Variants in OLAH observed in about 807,000 individuals in gnomAD.
OLAH encodes the protein oleoyl-ACP hydrolase.
OLAH carries 33 observed loss-of-function variants against 27.8 expected under a neutral mutation model. That is an observed-to-expected ratio of 1.19 (90% confidence interval 0.90 to 1.59). The LOEUF (loss-of-function observed/expected upper bound fraction) is 1.59, where lower values mean the gene tolerates loss of function less well. Ranked by LOEUF, OLAH falls within the 40% of genes most tolerant of loss-of-function variation. OLAH has a pLI of 0.00. For missense variants in OLAH, 359 were observed against 310.8 expected (o/e 1.16, Z -1.17); for synonymous variants, 120 against 102.9 (o/e 1.17, Z -1.01).
intron 4 of OLAH, among the ~76,000 whole-genome samples, chr10:15,062,706 CT>C (rs1482706346): frequency 6.6e-6 from 1 of 150,536 alleles, no homozygotes; most frequent in East Asian, 1.9e-4. Context: ...CTATTTCTAT[CT>C]TTTTCTGTTA....
At chr10:15,042,947 G>A (rs574674864), upstream of OLAH, among the ~76,000 whole-genome samples, 59 of 131,834 alleles carry the variant, frequency 4.5e-4, no homozygotes, top group South Asian at 3.7e-3. Flanking sequence ...TGCAAGCTCC[G>A]CCTCCCGGGT....
intron 2 of OLAH, 125 bp from the exon 3 acceptor site, chr10:15,049,510 A>G (rs1007469507): frequency 1.1e-5 from 7 of 619,796 alleles, no homozygotes; most frequent in Non-Finnish European, 1.7e-5. Context: ...AAAATTTGCA[A>G]TCACTTTATA....
intron 4 of OLAH, among the ~76,000 whole-genome samples, chr10:15,063,135 A>G (rs1226363866): frequency 6.6e-6 from 1 of 152,108 alleles, no homozygotes. Flanking sequence ...ACATTGTTAA[A>G]GTTCTTTTCA....
At chr10:15,061,918 A>C in intron 4 of OLAH, 56 bp downstream of exon 4, 1 of 1,540,870 alleles carries the variant, frequency 6.5e-7, no homozygotes, top group Non-Finnish European at 8.9e-7. Context: ...CTGAAGTTTG[A>C]GGTTAATGTT....
chr10:15,043,477 CTTTT>C (rs35687747), upstream of OLAH, among the ~76,000 whole-genome samples: 2 of 133,504 alleles, frequency 1.5e-5, no homozygotes, highest in Admixed American at 7.6e-5. Context: ...TTCTCTTCTT[CTTTT>C]TTTTTTTTTT....
At chr10:15,039,091 T>C (rs1449959688), upstream of OLAH, among the ~76,000 whole-genome samples, 1 of 151,236 alleles carries the variant, frequency 6.6e-6, no homozygotes, top group East Asian at 2.0e-4. Flanking sequence ...GCAGGTGTGG[T>C]GGTGTGCACC....
intron 7 of OLAH, among the ~76,000 whole-genome samples, chr10:15,072,764 G>C (rs906754688): frequency 6.6e-6 from 1 of 151,800 alleles, no homozygotes; most frequent in African/African-American, 2.4e-5. Flanking sequence ...TGGCCAGAGG[G>C]GGGTTATCTT....
At chr10:15,055,090 A>T (rs994819258) in intron 3 of OLAH, among the ~76,000 whole-genome samples, 1 of 152,018 alleles carries the variant, frequency 6.6e-6, no homozygotes, top group South Asian at 2.1e-4. Context: ...TCAGCCTCCC[A>T]AGTAGGTGGG....
At chr10:15,044,261 T>C (rs1442153472) in intron 1 of OLAH, among the ~76,000 whole-genome samples, 3 of 152,130 alleles carry the variant, frequency 2.0e-5, no homozygotes, top group Non-Finnish European at 2.9e-5. Context: ...AACATTTTTC[T>C]CTTCCAGTTT....
Position 15,034,800 on chromosome 10 carries a change from C to CT in OLAH, c.-164+2453dup, listed in dbSNP as rs1348025194. ...ACAGTTTTCATTTTTTCTTTTCTTT[C>CT]TTTCTTTTTTTTTTTTTTTGAGACG... On this transcript the variant is annotated intron_variant, in intron 1 of 3. Coordinates refer to the OLAH transcript ENST00000413672. Among the ~76,000 whole-genome samples, 53 of 96,958 alleles carry CT rather than the reference C, an allele frequency of 5.5e-4. 1 individual carries two copies. Among genetic ancestry groups the CT allele is most frequent in the African/African-American group, 1.1e-3 (30 of 27,192 alleles). The allele number at this position is 96,958 out of a possible 152,430, so 63.6% of individuals were successfully genotyped here. A position where few individuals can be genotyped will look rare whatever the true frequency, so the allele number is the denominator to read the frequency against.
At chr10:15,061,603 C>A in intron 3 of OLAH, 121 bp from the exon 4 acceptor site, 2 of 897,210 alleles carry the variant, frequency 2.2e-6, no homozygotes, top group Non-Finnish European at 1.6e-6. Flanking sequence ...CCTTGCTGGA[C>A]TTAACTGTTA....
At position 15,047,041 on chromosome 10, in the gene OLAH, C is replaced by A. The variant is rs542936767; in HGVS notation, c.-163-85C>A. ...TTGTGTTGGTTCTAACCCATTTCTT[C>A]TTCTCCTTTGTCATCACCACTGTCA... On this transcript the variant is annotated intron_variant, in intron 1 of 7. Transcript: ENST00000378228. 2.8e-5 allele frequency: 12 copies of A among 430,978 alleles called. No individual in the cohort carries two copies. In the East Asian group the frequency reaches 4.3e-4, roughly 16 times the overall value. The allele number at this position is 430,978 out of a possible 1,614,324, so 26.7% of individuals were successfully genotyped here.
intron 1 of OLAH, among the ~76,000 whole-genome samples, chr10:15,044,766 C>A (rs911445706): frequency 3.9e-5 from 6 of 152,122 alleles, no homozygotes; most frequent in South Asian, 2.1e-4. Context: ...TCATTCTATT[C>A]TCTTCCATGT....
At chr10:15,042,892 G>A (rs1226100558), upstream of OLAH, among the ~76,000 whole-genome samples, 8 of 114,054 alleles carry the variant, frequency 7.0e-5, no homozygotes, top group African/African-American at 2.8e-4. Flanking sequence ...GAGGAGTCTC[G>A]CTCTGTCGCC....
Position 15,073,277 on chromosome 10 carries a change from T to G in OLAH, c.*48T>G. On this transcript the variant is annotated 3_prime_UTR_variant, in exon 8 of 8. Transcript: ENST00000378228. ...AATAATCAAAGTAATATCATACTCTTCTCAGTTATTCAGATATAGCTCAGT... is the reference window on the plus strand; with the variant it reads ...AATAATCAAAGTAATATCATACTCTGCTCAGTTATTCAGATATAGCTCAGT... The G allele has an allele frequency of 2.4e-6, 3 of 1,248,048 alleles. No homozygotes were observed. Among genetic ancestry groups the G allele is most frequent in the South Asian group, 2.7e-5 (2 of 75,372 alleles). 77.3% of individuals were successfully genotyped at this position (1,248,048 alleles called of 1,614,324 possible).
chr10:15,047,221 G>C lies in OLAH; in HGVS notation c.-68G>C. The C allele has an allele frequency of 6.5e-7, 1 of 1,544,250 alleles. No homozygotes were observed. Among genetic ancestry groups the C allele is most frequent in the South Asian group, 1.1e-5 (1 of 87,380 alleles). On this transcript the variant is annotated 5_prime_UTR_variant, in exon 2 of 8. Transcript: ENST00000378228. ...CGAGCAGAGGTTCTTCGTCTCAAGAGGAACTGACTTCTGTTGAGCACTCAA... is the reference window on the plus strand; with the variant it reads ...CGAGCAGAGGTTCTTCGTCTCAAGACGAACTGACTTCTGTTGAGCACTCAA...
At chr10:15,073,022 T>G (rs1438402294) in intron 7 of OLAH, 65 bp from the exon 8 acceptor site, 2 of 1,465,790 alleles carry the variant, frequency 1.4e-6, no homozygotes, top group South Asian at 1.2e-5. Context: ...AAAGAAATGA[T>G]GTCTTGATGT....
chr10:15,037,185 C>T (rs1405846905), intron 1 of OLAH, among the ~76,000 whole-genome samples: 4 of 151,584 alleles, frequency 2.6e-5, no homozygotes, highest in Non-Finnish European at 5.9e-5. Flanking sequence ...ATTGTAAATC[C>T]GACAGTAACC....
chr10:15,069,034 C>CCTCCCCAATGTAGACAGCTGTTGCT (rs1243988472), intron 6 of OLAH, among the ~76,000 whole-genome samples: 1 of 152,106 alleles, frequency 6.6e-6, no homozygotes, highest in Non-Finnish European at 1.5e-5. Context: ...CTCCTGTTGC[C>CCTCCCCAATGTAGACAGCTGTTGCT]CTCCCCAATG....
Sources: gnomAD v4.1 joint callset for allele counts (sites outside exome capture counted in the v4.1 genomes callset) on GRCh38, gnomAD v4.1.1 for gene constraint, MANE v1.5 for transcripts, NCBI Gene and HGNC (gene_info 2026-07-23, HGNC 2026-07-21) for gene names.